ESR1: variants seen among roughly 807,000 people sequenced by gnomAD.
ESR1 encodes the protein estrogen receptor.
In ESR1, 12 loss-of-function variants were observed where a neutral mutation model predicts 52.7. That is an observed-to-expected ratio of 0.23 (90% CI 0.15 to 0.37). ESR1 has a LOEUF of 0.37. ESR1 is among the 10% of genes least tolerant of loss of function. The probability of loss-of-function intolerance (pLI) is 1.00; values close to 1 mark genes in which losing one functional copy is unlikely to be tolerated. For synonymous variants in ESR1, 305 were observed against 316.8 expected (o/e 0.96, Z 0.39); for missense variants, 584 against 779.7 (o/e 0.75, Z 2.99).
intron 2 of ESR1, among the ~76,000 whole-genome samples, chr6:151,717,969 G>A (rs1781177476): frequency 1.3e-5 from 2 of 152,160 alleles, no homozygotes; most frequent in African/African-American, 2.4e-5. Flanking sequence ...TGTTGGTGTT[G>A]CACATACAAT....
intron 6 of ESR1, among the ~76,000 whole-genome samples, chr6:152,114,236 C>T (rs1393211048): frequency 2.6e-5 from 4 of 152,312 alleles, no homozygotes; most frequent in Admixed American, 1.3e-4. Context: ...CTATGACTTT[C>T]GAGTCACTGT....
chr6:151,814,550 C>T (rs1318697919), intron 1 of ESR1, among the ~76,000 whole-genome samples: 1 of 152,094 alleles, frequency 6.6e-6, no homozygotes, highest in African/African-American at 2.4e-5. Flanking sequence ...AAACAGAGTT[C>T]CTACCTCAGC....
intron 2 of ESR1, among the ~76,000 whole-genome samples, chr6:151,751,395 CCCAGTGACT>C (rs1272809384): frequency 1.8e-4 from 28 of 152,222 alleles, no homozygotes; most frequent in Admixed American, 5.2e-4. Context: ...CTCACATGTT[CCCAGTGACT>C]CCTTTCTGAT....
At chr6:152,126,586 G>C (rs932513019) in exon 7 of ESR1, 6 of 152,062 alleles carry the variant, frequency 3.9e-5, no homozygotes, top group East Asian at 1.9e-4. Context: ...GTTCTGTCCA[G>C]CAAAAAACGT....
intron 2 of ESR1, among the ~76,000 whole-genome samples, chr6:151,878,775 G>C (rs1792285158): frequency 6.6e-6 from 1 of 152,148 alleles, no homozygotes; most frequent in Non-Finnish European, 1.5e-5. Flanking sequence ...CCCAAGATAT[G>C]TAAGAATTTA....
At chr6:151,896,198 C>T (rs1027474544) in intron 3 of ESR1, among the ~76,000 whole-genome samples, 24 of 152,110 alleles carry the variant, frequency 1.6e-4, no homozygotes, top group Admixed American at 1.2e-3. Context: ...CTGGCTTCAT[C>T]GAATGATTTA....
At chr6:151,947,182 G>C (rs1238402960) in intron 4 of ESR1, among the ~76,000 whole-genome samples, 1 of 152,082 alleles carries the variant, frequency 6.6e-6, no homozygotes, top group South Asian at 2.1e-4. Context: ...AGCCAGGCTT[G>C]GTGGCACACA....
chr6:151,846,109 A>G (rs1785066645), intron 2 of ESR1, among the ~76,000 whole-genome samples: 1 of 152,182 alleles, frequency 6.6e-6, no homozygotes, highest in South Asian at 2.1e-4. Context: ...GGGTGAGTCA[A>G]GGGAGCATGG....
At chr6:152,078,916 CG>C (rs2129003956) in intron 6 of ESR1, among the ~76,000 whole-genome samples, 2 of 152,306 alleles carry the variant, frequency 1.3e-5, no homozygotes, top group East Asian at 3.9e-4. Flanking sequence ...CTGCTTGATG[CG>C]GGGAGGGGCG....
At position 152,103,185 on chromosome 6, in the gene ESR1, G is replaced by A. The variant is rs1010117343; in HGVS notation, c.*4219G>A. ...TGAAACACACTTGTAAACCTCTTTT[G>A]CACTTTGAAAAAGAATCCAGCGGGA... On this transcript the variant is annotated 3_prime_UTR_variant, in exon 8 of 8. Transcript: ENST00000206249. 5.0e-6 allele frequency: 1 copy of A among 198,048 alleles called. No homozygotes were observed. Among genetic ancestry groups the A allele is most frequent in the Non-Finnish European group, 1.0e-5 (1 of 95,482 alleles). 12.3% of individuals were successfully genotyped at this position (198,048 alleles called of 1,614,324 possible).
chr6:151,931,017 T>C (rs2033519101), intron 3 of ESR1, among the ~76,000 whole-genome samples: 1 of 151,952 alleles, frequency 6.6e-6, no homozygotes, highest in South Asian at 2.1e-4. Flanking sequence ...GTTTGTTTTG[T>C]TTTTTTGTAA....
chr6:151,758,585 AC>A (rs1439338430), intron 2 of ESR1, among the ~76,000 whole-genome samples: 1 of 151,780 alleles, frequency 6.6e-6, no homozygotes, highest in African/African-American at 2.4e-5. Flanking sequence ...ACATGGTGAA[AC>A]CGCATCTCTA....
intron 2 of ESR1, among the ~76,000 whole-genome samples, chr6:151,779,871 C>G (rs1285056): frequency 0.51 from 70,120 of 136,474 alleles, 17,381 homozygotes; most frequent in East Asian, 0.68. Context: ...CTGCACTCCA[C>G]CCTGGGCGAC....
At chr6:151,822,103 T>A (rs943806697) in intron 1 of ESR1, among the ~76,000 whole-genome samples, 2 of 152,218 alleles carry the variant, frequency 1.3e-5, no homozygotes, top group African/African-American at 2.4e-5. Flanking sequence ...TGATTTTTTT[T>A]AAATGAGTCA....
chr6:151,813,052 A>G (rs1465562130), intron 1 of ESR1, among the ~76,000 whole-genome samples: 1 of 152,152 alleles, frequency 6.6e-6, no homozygotes, highest in African/African-American at 2.4e-5. Context: ...CCAGAATTTA[A>G]GTGGGCTGGA....
At chr6:151,734,307 G>A (rs532200092) in intron 2 of ESR1, among the ~76,000 whole-genome samples, 8 of 152,304 alleles carry the variant, frequency 5.3e-5, no homozygotes, top group South Asian at 2.1e-4. Flanking sequence ...CACAATCCAC[G>A]TCAAGTTCCA....
intron 2 of ESR1, among the ~76,000 whole-genome samples, chr6:151,749,957 T>C (rs1261084793): frequency 2.0e-5 from 3 of 152,214 alleles, no homozygotes; most frequent in Non-Finnish European, 4.4e-5. Context: ...TAATAAATGC[T>C]ATGAAATACA....
At chr6:152,004,525 G>A (rs1385733232) in intron 4 of ESR1, among the ~76,000 whole-genome samples, 3 of 151,940 alleles carry the variant, frequency 2.0e-5, no homozygotes, top group Admixed American at 2.0e-4. Context: ...AGGAAATACT[G>A]CAGGCCTTCT....
chr6:151,943,380 AAAAAAAAAAC>A (rs1292254504), intron 3 of ESR1, among the ~76,000 whole-genome samples: 5 of 145,656 alleles, frequency 3.4e-5, no homozygotes, highest in Non-Finnish European at 7.5e-5. Context: ...ACTCCATCTT[AAAAAAAAAAC>A]AAAAAAAAAC....
Sources: gnomAD v4.1 joint callset for allele counts (sites outside exome capture counted in the v4.1 genomes callset) on GRCh38, gnomAD v4.1.1 for gene constraint, MANE v1.5 for transcripts, NCBI Gene and HGNC (gene_info 2026-07-23, HGNC 2026-07-21) for gene names.